ERCC1: variants seen among roughly 807,000 people sequenced by gnomAD.
ERCC1 encodes the protein DNA excision repair protein ERCC-1.
Under a neutral mutation model 37.6 loss-of-function variants are expected in ERCC1, and 36 were observed. The ratio of observed to expected loss-of-function variants is 0.96; its 90% CI spans 0.73 to 1.26. ERCC1 has a LOEUF of 1.26. Ranked by LOEUF, ERCC1 falls within the 50% of genes most tolerant of loss-of-function variation. The pLI, the probability that ERCC1 is intolerant of heterozygous loss-of-function variation, is 0.00. For missense variants in ERCC1, 349 were observed against 376.5 expected (o/e 0.93, Z 0.60); for synonymous variants, 156 against 162.1 (o/e 0.96, Z 0.28).
At chr19:45,429,558 T>C (rs183605784) in intron 1 of ERCC1, among the ~76,000 whole-genome samples, 1 of 152,206 alleles carries the variant, frequency 6.6e-6, no homozygotes, top group East Asian at 1.9e-4. Context: ...GAACCAGATA[T>C]ACACACTTGT....
intron 1 of ERCC1, among the ~76,000 whole-genome samples, chr19:45,442,224 G>T (rs1975138913): frequency 6.6e-6 from 1 of 151,480 alleles, no homozygotes; most frequent in Non-Finnish European, 1.5e-5. Context: ...GCTGAGGTGG[G>T]TGGGAGGATC....
intron 1 of ERCC1, among the ~76,000 whole-genome samples, chr19:45,443,731 C>A (rs1183915659): frequency 1.3e-5 from 2 of 152,100 alleles, no homozygotes; most frequent in Non-Finnish European, 2.9e-5. Flanking sequence ...CCCGCAGGAA[C>A]CTGGAAGTGG....
intron 1 of ERCC1, among the ~76,000 whole-genome samples, chr19:45,443,689 C>T (rs1975180259): frequency 6.6e-6 from 1 of 152,172 alleles, no homozygotes; most frequent in Non-Finnish European, 1.5e-5. Context: ...ATGTCCTGGC[C>T]GGGCCGGGGA....
At chr19:45,445,795 C>G (rs1054276915) in intron 1 of ERCC1, among the ~76,000 whole-genome samples, 1 of 152,096 alleles carries the variant, frequency 6.6e-6, no homozygotes, top group Non-Finnish European at 1.5e-5. Context: ...GCCCGATGGG[C>G]TGAGGTGAAG....
intron 1 of ERCC1, among the ~76,000 whole-genome samples, chr19:45,444,698 G>A (rs868828554): frequency 6.6e-6 from 1 of 152,238 alleles, no homozygotes; most frequent in African/African-American, 2.4e-5. Flanking sequence ...TATAAGGAAA[G>A]ACCACGCGAC....
intron 8 of ERCC1, 85 bp downstream of exon 8, chr19:45,413,878 G>T: frequency 6.4e-7 from 1 of 1,570,494 alleles, no homozygotes; most frequent in Non-Finnish European, 8.8e-7. Flanking sequence ...GGGGTGGGCA[G>T]GGAGATGGAA....
At chr19:45,414,205 G>A in intron 7 of ERCC1, 171 bp from the exon 8 acceptor site, 1 of 664,672 alleles carries the variant, frequency 1.5e-6, no homozygotes, top group Admixed American at 2.2e-5. Flanking sequence ...GCTGGGCGTG[G>A]TGGCTCATGC....
rs758351561 is a variant in ERCC1, at chr19:45,409,332, C to T, written c.*343G>A. 2.5e-6 allele frequency: 4 copies of T among 1,614,066 alleles called. No homozygotes were observed. Among genetic ancestry groups the T allele is most frequent in the Middle Eastern group, 1.6e-4 (1 of 6,062 alleles). ...GGGGAGGGACAGCCTGAAGCCAGGG[C>T]AACTCCGGGATCCACCAAGAAGAGG... On this transcript the variant is annotated 3_prime_UTR_variant, in exon 10 of 10. Coordinates refer to ENST00000300853, the MANE Select transcript of ERCC1 (RefSeq NM_001983.4).
Position 45,421,385 on chromosome 19 carries a change from G to A in ERCC1, c.114C>T (p.Pro38=), listed in dbSNP as rs768963892. ...GAAGGCTCTGTGTAGATCGGAATAA[G>A]GGCTTGGCCTGTGGGGAGAAAGGGA... ...EDEVPPGVAK[P]LFRSTQSLPT... Residue 38 remains proline (P), a synonymous_variant, in exon 3 of 10, where the codon CCC becomes CCT. Coordinates refer to ENST00000300853, the MANE Select transcript of ERCC1 (RefSeq NM_001983.4). 3.2e-6 allele frequency: 5 copies of A among 1,580,682 alleles called. No homozygotes were observed. The highest frequency in any genetic ancestry group is 2.6e-6 in the Non-Finnish European group (3 of 1,162,404).
chr19:45,434,993 G>T (rs1403240426), intron 1 of ERCC1, among the ~76,000 whole-genome samples: 3 of 151,736 alleles, frequency 2.0e-5, no homozygotes, highest in African/African-American at 7.3e-5. Flanking sequence ...ACGTTGGTCG[G>T]GCTGGTCTCA....
At chr19:45,424,922 C>CTTTTTTTTT (rs986137310), upstream of ERCC1, among the ~76,000 whole-genome samples, 6 of 121,898 alleles carry the variant, frequency 4.9e-5, no homozygotes, top group Non-Finnish European at 6.8e-5. Flanking sequence ...TCTTTTTTTT[C>CTTTTTTTTT]TTTTTTTTTT....
At chr19:45,413,768 C>T (rs1338620474) in intron 8 of ERCC1, 23 bp from the exon 9 acceptor site, 2 of 1,612,146 alleles carry the variant, frequency 1.2e-6, no homozygotes, top group East Asian at 2.2e-5. Context: ...AGCGAGGGGT[C>T]AGGGCAGTTG....
At chr19:45,440,435 C>T (rs1348175810) in intron 1 of ERCC1, among the ~76,000 whole-genome samples, 3 of 151,926 alleles carry the variant, frequency 2.0e-5, no homozygotes, top group Admixed American at 6.5e-5. Flanking sequence ...AGGAGACCTG[C>T]GGGCTGAGGG....
intron 6 of ERCC1, among the ~76,000 whole-genome samples, chr19:45,415,618 A>T (rs1974016143): frequency 7.0e-6 from 1 of 143,298 alleles, no homozygotes; most frequent in Admixed American, 7.3e-5. Context: ...CCTGGGCGAC[A>T]GAGCCAGACT....
chr19:45,444,529 G>A (rs911900329), intron 1 of ERCC1, among the ~76,000 whole-genome samples: 2 of 152,180 alleles, frequency 1.3e-5, no homozygotes, highest in African/African-American at 4.8e-5. Context: ...CCAGGCCTGC[G>A]CGCCAAACCC....
chr19:45,435,669 G>T (rs944044082), intron 1 of ERCC1, among the ~76,000 whole-genome samples: 15 of 152,114 alleles, frequency 9.9e-5, no homozygotes, highest in Admixed American at 5.2e-4. Flanking sequence ...TGCCCAGGCT[G>T]CTGATCTCAA....
In ERCC1 at chr19:45,409,465, C is replaced by G. The variant is rs1243282808; in HGVS notation, c.*210G>C. 5.0e-6 allele frequency: 8 copies of G among 1,612,100 alleles called. No homozygotes were observed. The highest frequency in any genetic ancestry group is 1.3e-5 in the African/African-American group (1 of 74,896). ...GGGAGGAGGCTCCCACAGGCCGGGA[C>G]AAGAAGCGGAAGCAGCAGCAGCAGC... is the stretch of plus-strand genomic sequence containing the variant. On this transcript the variant is annotated 3_prime_UTR_variant, in exon 10 of 10. Coordinates refer to ENST00000300853, the MANE Select transcript of ERCC1 (RefSeq NM_001983.4).
upstream of ERCC1, among the ~76,000 whole-genome samples, chr19:45,427,823 CCT>C (rs537619535): frequency 2.2e-3 from 336 of 152,218 alleles, 3 homozygotes; most frequent in Non-Finnish European, 3.6e-3. Flanking sequence ...GGAGCCGGGG[CCT>C]CTCTGCTCCG....
At chr19:45,430,808 T>C (rs1974811962) in intron 1 of ERCC1, among the ~76,000 whole-genome samples, 1 of 151,984 alleles carries the variant, frequency 6.6e-6, no homozygotes, top group Non-Finnish European at 1.5e-5. Flanking sequence ...TTCCAGCTAC[T>C]TGGGAGGCCG....
Sources: gnomAD v4.1 joint callset for allele counts (sites outside exome capture counted in the v4.1 genomes callset) on GRCh38, gnomAD v4.1.1 for gene constraint, MANE v1.5 for transcripts, NCBI Gene and HGNC (gene_info 2026-07-23, HGNC 2026-07-21) for gene names.